The following DSCAM variants were observed in gnomAD, a reference collection of about 807,000 sequenced individuals.
DSCAM encodes DS cell adhesion molecule.
A neutral mutation model predicts 217.7 loss-of-function variants in DSCAM; 47 were observed. The observed-to-expected ratio is 0.22, with a 90% CI of 0.17 to 0.28. DSCAM has a LOEUF of 0.28. Ranked by LOEUF, DSCAM falls within the 10% of genes least tolerant of loss-of-function variation. DSCAM has a pLI of 1.00. For missense variants in DSCAM, 2,080 were observed against 2,618.3 expected, an observed-to-expected ratio of 0.79 and a Z score of 4.49; for synonymous variants, 1,056 against 1,015.3, an observed-to-expected ratio of 1.04 and a Z score of -0.76.
chr21:40,541,117 A>G (rs1184916721), intron 3 of DSCAM, among the ~76,000 whole-genome samples: 1 of 152,190 alleles, frequency 6.6e-6, no homozygotes, highest in Non-Finnish European at 1.5e-5. Context: ...TTATACATCA[A>G]AATACTAATG....
At position 40,053,153 on chromosome 21, in the gene DSCAM, C is replaced by T. The variant is rs541545200; in HGVS notation, c.5036-1046G>A. ...CAAAAAAGGCTCTGAACAGAATGAA[C>T]CTTACAAAATCCAATTACTCAGTCT... On this transcript the variant is annotated intron_variant, in intron 29 of 32. Transcript: ENST00000400454. 3.9e-5 allele frequency among the ~76,000 whole-genome samples: 6 copies of T among 152,274 alleles called. No individual in the cohort carries two copies. In the South Asian group the frequency reaches 1.2e-3, roughly 32 times the overall value.
chr21:40,316,420 G>A (rs137942966), intron 8 of DSCAM, among the ~76,000 whole-genome samples: 14 of 152,244 alleles, frequency 9.2e-5, no homozygotes, highest in African/African-American at 4.8e-5. Context: ...TTTTTAAAGC[G>A]TCTTAAGCCT....
At chr21:40,715,971 A>G (rs2090837605) in intron 1 of DSCAM, among the ~76,000 whole-genome samples, 1 of 152,240 alleles carries the variant, frequency 6.6e-6, no homozygotes, top group South Asian at 2.1e-4. Context: ...AATTAAATGT[A>G]TAGTTTCTTA....
intron 11 of DSCAM, among the ~76,000 whole-genome samples, chr21:40,207,591 T>C (rs541349984): frequency 6.6e-6 from 1 of 152,314 alleles, no homozygotes; most frequent in South Asian, 2.1e-4. Flanking sequence ...AACATAAATG[T>C]TCACAGTTAC....
rs557099672 is a variant in DSCAM, at chr21:40,382,546, C to T, written c.509-13301G>A. ...GGATTACATTTGTTTCCCAATGACA[C>T]GTGATGATGTCAAAGGAAACTATAA... On this transcript the variant is annotated intron_variant, in intron 3 of 32. Coordinates refer to ENST00000400454, the MANE Select transcript of DSCAM (RefSeq NM_001389.5). Among the ~76,000 whole-genome samples, 19 of 152,224 alleles carry T rather than the reference C, an allele frequency of 1.2e-4. 1 individual carries two copies. The South Asian group carries it at 3.1e-3, about 25-fold the overall frequency.
chr21:40,471,453 A>C (rs1049140417), intron 3 of DSCAM, among the ~76,000 whole-genome samples: 5 of 152,212 alleles, frequency 3.3e-5, no homozygotes, highest in Non-Finnish European at 7.3e-5. Flanking sequence ...CTTTTAAAAC[A>C]ACATCAGTAA....
chr21:40,426,949 T>C (rs757498050), intron 3 of DSCAM, among the ~76,000 whole-genome samples: 12 of 152,086 alleles, frequency 7.9e-5, no homozygotes, highest in Non-Finnish European at 1.6e-4. Context: ...ACTATCCCTA[T>C]TTGTGGGAAT....
chr21:40,611,877 G>A (rs1897731167), intron 3 of DSCAM, among the ~76,000 whole-genome samples: 1 of 152,192 alleles, frequency 6.6e-6, no homozygotes, highest in South Asian at 2.1e-4. Context: ...GGTCAGTGGA[G>A]GTTGCCCCTA....
Position 40,200,443 on chromosome 21 carries a change from TCC to T in DSCAM, c.2357-11207_2357-11206del, listed in dbSNP as rs2091058444. Among the ~76,000 whole-genome samples, 28 of 152,320 alleles carry T rather than the reference TCC, an allele frequency of 1.8e-4. No homozygotes were observed. In the South Asian group the frequency reaches 5.8e-3, roughly 32 times the overall value. ...CTGGCTCATTTTACTTAGCATAATC[TCC>T]TCAAGGTTCAGTCAAGCTGTAGCCT... On this transcript the variant is annotated intron_variant, in intron 11 of 32. Transcript: ENST00000400454.
At chr21:40,761,977 G>A (rs12482503) in intron 1 of DSCAM, among the ~76,000 whole-genome samples, 56,570 of 151,880 alleles carry the variant, frequency 0.37, 11,360 homozygotes, top group African/African-American at 0.53. Flanking sequence ...ACAGGGAAAT[G>A]TATAGCACTA....
chr21:40,095,571 T>C (rs2142120), intron 20 of DSCAM, among the ~76,000 whole-genome samples: 25,546 of 152,094 alleles, frequency 0.17, 2,311 homozygotes, highest in African/African-American at 0.21. Flanking sequence ...TGACTGCTAA[T>C]GGGCGTGCAG....
intron 3 of DSCAM, among the ~76,000 whole-genome samples, chr21:40,464,349 A>G (rs753078374): frequency 2.0e-5 from 3 of 152,230 alleles, no homozygotes; most frequent in Non-Finnish European, 2.9e-5. Flanking sequence ...TAAACTAGGT[A>G]GCATGTTAGA....
chr21:40,394,396 A>G (rs759113484), intron 3 of DSCAM, among the ~76,000 whole-genome samples: 1 of 152,236 alleles, frequency 6.6e-6, no homozygotes, highest in Non-Finnish European at 1.5e-5. Context: ...TTTCTTCCAC[A>G]TCAGACCAGA....
intron 2 of DSCAM, among the ~76,000 whole-genome samples, chr21:40,693,877 G>A (rs9980887): frequency 6.6e-6 from 1 of 152,078 alleles, no homozygotes; most frequent in Non-Finnish European, 1.5e-5. Flanking sequence ...CTGGTGTTCA[G>A]AACCTACCTA....
intron 14 of DSCAM, among the ~76,000 whole-genome samples, chr21:40,182,641 A>ATGG (rs2090827949): frequency 1.3e-5 from 1 of 74,730 alleles, no homozygotes; most frequent in Non-Finnish European, 2.5e-5. Context: ...AACCGTGGAC[A>ATGG]GGAGGGGGTT....
At chr21:40,475,745 C>T (rs1033491850) in intron 3 of DSCAM, among the ~76,000 whole-genome samples, 2 of 152,048 alleles carry the variant, frequency 1.3e-5, no homozygotes, top group Non-Finnish European at 2.9e-5. Flanking sequence ...GCAGGAGAAT[C>T]GCTTGAACCT....
In DSCAM at chr21:40,290,514, G is replaced by T. The variant is rs9984222; in HGVS notation, c.2182+5541C>A. On this transcript the variant is annotated intron_variant, in intron 10 of 32. Transcript: ENST00000400454. ...TGCATGGCTATAGTCCCAGCTGCTT[G>T]GGAGGCTGAGGCAGAAGAATCTCTT... is the stretch of plus-strand genomic sequence containing the variant. Among the ~76,000 whole-genome samples the T allele has an allele frequency of 1.2e-4, 18 of 151,956 alleles. 1 individual carries two copies. Among genetic ancestry groups the T allele is most frequent in the Admixed American group, 5.9e-4 (9 of 15,260 alleles).
At chr21:40,044,769 C>G (rs746533832) in intron 30 of DSCAM, among the ~76,000 whole-genome samples, 1 of 152,136 alleles carries the variant, frequency 6.6e-6, no homozygotes, top group East Asian at 1.9e-4. Context: ...TGTTATGACC[C>G]GATGCACATC....
chr21:40,674,520 C>T (rs1014177921), intron 3 of DSCAM, among the ~76,000 whole-genome samples: 1 of 152,074 alleles, frequency 6.6e-6, no homozygotes, highest in South Asian at 2.1e-4. Context: ...CATGTACCAT[C>T]CCCCAGCTTC....
Sources: gnomAD v4.1 joint callset for allele counts (sites outside exome capture counted in the v4.1 genomes callset) on GRCh38, gnomAD v4.1.1 for gene constraint, MANE v1.5 for transcripts, NCBI Gene and HGNC (gene_info 2026-07-23, HGNC 2026-07-21) for gene names.